The following RBFOX1 variants were observed in gnomAD, a reference collection of about 807,000 sequenced individuals.
RBFOX1 encodes the protein RNA binding fox-1 homolog 1.
Under a neutral mutation model 57.7 loss-of-function variants are expected in RBFOX1, and 8 were observed. The ratio of observed to expected loss-of-function variants is 0.14; its 90% CI spans 0.08 to 0.25. The LOEUF (loss-of-function observed/expected upper bound fraction) is 0.25, where lower values mean the gene tolerates loss of function less well. Among genes scored for constraint, RBFOX1 ranks in the 10% least tolerant of loss-of-function variants. The probability of loss-of-function intolerance (pLI) is 1.00; values close to 1 mark genes in which losing one functional copy is unlikely to be tolerated. For missense variants in RBFOX1, 611 were observed against 548.5 expected, an observed-to-expected ratio of 1.11 and a Z score of -1.14; for synonymous variants, 326 against 222.4, an observed-to-expected ratio of 1.47 and a Z score of -4.15.
intron 4 of RBFOX1, among the ~76,000 whole-genome samples, chr16:7,066,790 C>G (rs1196151838): frequency 1.3e-5 from 2 of 152,140 alleles, no homozygotes; most frequent in Admixed American, 6.5e-5. Context: ...AAAGAAAACA[C>G]AAAGGTTTGG....
rs1288695284 is a variant in RBFOX1 at position 7,253,286 on chromosome 16, G to T, written c.27+201188G>T. 9.9e-5 allele frequency among the ~76,000 whole-genome samples: 15 copies of T among 152,192 alleles called. 1 individual carries two copies. Among genetic ancestry groups the T allele is most frequent in the Admixed American group, 9.8e-4 (15 of 15,280 alleles). On this transcript the variant is annotated intron_variant, in intron 4 of 15. Transcript: ENST00000550418. ...ATCAACAAATCATTCTGTCAGTTCT[G>T]TGGAGCTATTCAGAAATTCGTGTTG...
chr16:5,584,943 C>T (rs1051341291), intron 2 of RBFOX1, among the ~76,000 whole-genome samples: 1 of 151,846 alleles, frequency 6.6e-6, no homozygotes, highest in Non-Finnish European at 1.5e-5. Flanking sequence ...ACGGTCAAAG[C>T]ACAAAGGGAG....
chr16:6,234,326 T>A (rs933477), intron 1 of RBFOX1, among the ~76,000 whole-genome samples: 1 of 152,066 alleles, frequency 6.6e-6, no homozygotes, highest in Admixed American at 6.5e-5. Context: ...TTTTTGGCAT[T>A]TAGTTCAGTT....
chr16:6,762,957 A>G (rs73528837), intron 3 of RBFOX1, among the ~76,000 whole-genome samples: 7,100 of 152,264 alleles, frequency 0.047, 440 homozygotes, highest in East Asian at 0.27. Flanking sequence ...GAGTTCCCCA[A>G]ATGAAGATAG....
intron 3 of RBFOX1, among the ~76,000 whole-genome samples, chr16:6,807,691 C>G (rs185277631): frequency 6.6e-6 from 1 of 152,000 alleles, no homozygotes; most frequent in Admixed American, 6.6e-5. Context: ...TGGCAGACGC[C>G]TGTAATCGGA....
chr16:6,131,260 C>G (rs1436168807), intron 1 of RBFOX1, among the ~76,000 whole-genome samples: 1 of 152,170 alleles, frequency 6.6e-6, no homozygotes, highest in Non-Finnish European at 1.5e-5. Context: ...GTCTTTAAAT[C>G]TTTATTAGCC....
chr16:7,005,458 G>C (rs1218574819), intron 3 of RBFOX1, among the ~76,000 whole-genome samples: 10 of 152,318 alleles, frequency 6.6e-5, no homozygotes, highest in East Asian at 1.9e-4. Flanking sequence ...TGTCTAGAAA[G>C]ATAATTGACA....
intron 10 of RBFOX1, among the ~76,000 whole-genome samples, chr16:7,622,313 A>G (rs886156031): frequency 1.3e-5 from 2 of 152,208 alleles, no homozygotes; most frequent in African/African-American, 4.8e-5. Flanking sequence ...AGGGTCATTA[A>G]GAGTAAATGA....
intron 2 of RBFOX1, among the ~76,000 whole-genome samples, chr16:5,467,810 T>G (rs896041507): frequency 6.6e-6 from 1 of 152,232 alleles, no homozygotes; most frequent in African/African-American, 2.4e-5. Context: ...GATTTTTATT[T>G]CCTCCACGAT....
At chr16:7,143,410 A>G (rs958166304) in intron 4 of RBFOX1, among the ~76,000 whole-genome samples, 2 of 152,098 alleles carry the variant, frequency 1.3e-5, no homozygotes, top group Non-Finnish European at 2.9e-5. Context: ...GGGGTGTGAG[A>G]TTTCTTTATT....
At chr16:7,592,054 G>C (rs957099201) in intron 7 of RBFOX1, among the ~76,000 whole-genome samples, 5 of 152,060 alleles carry the variant, frequency 3.3e-5, no homozygotes, top group South Asian at 4.2e-4. Context: ...TTCTTGTCTG[G>C]GTGGGAGGTA....
chr16:6,570,793 T>A (rs535474259), intron 2 of RBFOX1, among the ~76,000 whole-genome samples: 1 of 152,316 alleles, frequency 6.6e-6, no homozygotes, highest in Non-Finnish European at 1.5e-5. Flanking sequence ...TATTTTTTCC[T>A]CAATTATTAT....
intron 2 of RBFOX1, among the ~76,000 whole-genome samples, chr16:5,485,409 C>T (rs767297643): frequency 2.0e-5 from 3 of 146,378 alleles, no homozygotes; most frequent in Non-Finnish European, 3.0e-5. Context: ...TAGGACTCTC[C>T]AAGTGCATGC....
intron 3 of RBFOX1, among the ~76,000 whole-genome samples, chr16:5,745,713 T>C (rs1359031519): frequency 6.6e-6 from 1 of 152,178 alleles, no homozygotes; most frequent in African/African-American, 2.4e-5. Context: ...CATTTTTTCA[T>C]GTGTCTTTTG....
intron 1 of RBFOX1, among the ~76,000 whole-genome samples, chr16:5,417,896 C>A (rs1046241175): frequency 6.6e-6 from 1 of 152,114 alleles, no homozygotes; most frequent in Non-Finnish European, 1.5e-5. Context: ...TCCTGGCGAA[C>A]ATAGTGGAAC....
chr16:7,076,671 A>G (rs998518051), intron 4 of RBFOX1, among the ~76,000 whole-genome samples: 3 of 152,228 alleles, frequency 2.0e-5, no homozygotes, highest in African/African-American at 7.2e-5. Flanking sequence ...AACAAAGGTT[A>G]ACAACACAAA....
At chr16:5,507,263 C>T (rs2043411372) in intron 2 of RBFOX1, among the ~76,000 whole-genome samples, 1 of 152,120 alleles carries the variant, frequency 6.6e-6, no homozygotes, top group African/African-American at 2.4e-5. Flanking sequence ...TATTATTATA[C>T]CATTTGCCAT....
intron 4 of RBFOX1, among the ~76,000 whole-genome samples, chr16:7,225,921 A>ATATATATAT (rs1567789355): frequency 1.4e-5 from 1 of 73,210 alleles, no homozygotes; most frequent in African/African-American, 1.1e-4. Flanking sequence ...TATATATATA[A>ATATATATAT]ATGTGAATGT....
intron 3 of RBFOX1, among the ~76,000 whole-genome samples, chr16:6,980,103 G>T (rs890939720): frequency 6.6e-6 from 1 of 152,198 alleles, no homozygotes; most frequent in African/African-American, 2.4e-5. Context: ...TAGTAGAACA[G>T]TCACAGCACA....
Sources: gnomAD v4.1 joint callset for allele counts (sites outside exome capture counted in the v4.1 genomes callset) on GRCh38, gnomAD v4.1.1 for gene constraint, MANE v1.5 for transcripts, NCBI Gene and HGNC (gene_info 2026-07-23, HGNC 2026-07-21) for gene names.